The following KCTD16 variants were observed in gnomAD, a reference collection of about 807,000 sequenced individuals.
The protein encoded by KCTD16 is BTB/POZ domain-containing protein KCTD16.
A neutral mutation model predicts 33.2 loss-of-function variants in KCTD16; 13 were observed. The ratio of observed to expected loss-of-function variants is 0.39; its 90% CI spans 0.25 to 0.62. The LOEUF is 0.62. Ranked by LOEUF, KCTD16 falls within the 20% of genes least tolerant of loss-of-function variation. The pLI, the probability that KCTD16 is intolerant of heterozygous loss-of-function variation, is 0.50. For missense variants in KCTD16, 441 were observed against 525.1 expected, an observed-to-expected ratio of 0.84 and a Z score of 1.57; for synonymous variants, 197 against 195.3, an observed-to-expected ratio of 1.01 and a Z score of -0.07.
At chr5:144,335,282 G>T (rs1369415937) in intron 3 of KCTD16, among the ~76,000 whole-genome samples, 4 of 152,038 alleles carry the variant, frequency 2.6e-5, no homozygotes, top group Non-Finnish European at 5.9e-5. Flanking sequence ...TAAAAGTGAG[G>T]GTATAAGAAG....
chr5:144,284,279 A>G (rs10058289), intron 3 of KCTD16, among the ~76,000 whole-genome samples: 80,280 of 152,008 alleles, frequency 0.53, 21,925 homozygotes, highest in East Asian at 0.72. Flanking sequence ...AAGGGCAAAC[A>G]CTCCAGGAAA....
At chr5:144,343,939 C>T (rs907180030) in intron 3 of KCTD16, among the ~76,000 whole-genome samples, 34 of 152,148 alleles carry the variant, frequency 2.2e-4, no homozygotes, top group Non-Finnish European at 3.7e-4. Context: ...GGAGGCATCA[C>T]GCTACCTGAC....
chr5:144,428,415 T>C (rs779453981), intron 3 of KCTD16, among the ~76,000 whole-genome samples: 4 of 152,176 alleles, frequency 2.6e-5, no homozygotes, highest in Non-Finnish European at 5.9e-5. Context: ...TTTCTGCTGA[T>C]AAATCTAGGT....
intron 3 of KCTD16, among the ~76,000 whole-genome samples, chr5:144,248,174 C>A (rs773240240): frequency 1.2e-4 from 18 of 152,034 alleles, no homozygotes; most frequent in Non-Finnish European, 2.4e-4. Flanking sequence ...GAGGCAGAGA[C>A]TTGAGAAAGG....
intron 3 of KCTD16, among the ~76,000 whole-genome samples, chr5:144,408,809 TTCTAGTG>T (rs1752868715): frequency 6.6e-6 from 1 of 152,206 alleles, no homozygotes; most frequent in South Asian, 2.1e-4. Flanking sequence ...CTTTCTTTTA[TTCTAGTG>T]TCCCTTCCAA....
At chr5:144,267,245 G>A (rs566135003) in intron 3 of KCTD16, among the ~76,000 whole-genome samples, 2 of 152,216 alleles carry the variant, frequency 1.3e-5, no homozygotes, top group Admixed American at 6.5e-5. Context: ...ATGCCCCACC[G>A]TATATGAACT....
At chr5:144,384,676 T>C (rs1474630546) in intron 3 of KCTD16, among the ~76,000 whole-genome samples, 1 of 152,196 alleles carries the variant, frequency 6.6e-6, no homozygotes. Context: ...TATTCTATTG[T>C]TCCGTATTCA....
chr5:144,452,165 T>TATATATATATATATATATATA (rs1561613198), intron 3 of KCTD16, among the ~76,000 whole-genome samples: 4 of 148,274 alleles, frequency 2.7e-5, no homozygotes, highest in African/African-American at 1.0e-4. Context: ...TATATATATA[T>TATATATATATATATATATATA]TCCTGTCACT....
chr5:144,454,779 T>A (rs2126987463), intron 3 of KCTD16, among the ~76,000 whole-genome samples: 1 of 152,244 alleles, frequency 6.6e-6, no homozygotes, highest in Admixed American at 6.5e-5. Flanking sequence ...ATTATAGGTA[T>A]GATGACTATT....
intron 2 of KCTD16, among the ~76,000 whole-genome samples, chr5:144,204,863 G>A (rs1028240732): frequency 6.6e-6 from 1 of 151,796 alleles, no homozygotes; most frequent in Non-Finnish European, 1.5e-5. Context: ...GAGTGAATAT[G>A]GTTTAAATCA....
intron 3 of KCTD16, among the ~76,000 whole-genome samples, chr5:144,414,221 G>A (rs60188819): frequency 0.09 from 13,626 of 152,038 alleles, 2,045 homozygotes; most frequent in African/African-American, 0.31. Flanking sequence ...TTGTTATTTC[G>A]TTCATGTTTT....
At chr5:144,293,784 A>T (rs1755959841) in intron 3 of KCTD16, among the ~76,000 whole-genome samples, 1 of 152,242 alleles carries the variant, frequency 6.6e-6, no homozygotes, top group Non-Finnish European at 1.5e-5. Flanking sequence ...GAAGCCAGTT[A>T]CATTTTGCAT....
At chr5:144,240,859 A>T (rs772868041) in intron 3 of KCTD16, among the ~76,000 whole-genome samples, 28 of 152,144 alleles carry the variant, frequency 1.8e-4, no homozygotes, top group Non-Finnish European at 1.0e-4. Context: ...TGCTCTTCTC[A>T]GTGCTTCATA....
chr5:144,343,940 G>A (rs7706927), intron 3 of KCTD16, among the ~76,000 whole-genome samples: 1,925 of 152,110 alleles, frequency 0.013, 41 homozygotes, highest in African/African-American at 0.044. Flanking sequence ...GAGGCATCAC[G>A]CTACCTGACT....
chr5:144,217,507 C>T (rs1306951083), intron 3 of KCTD16, among the ~76,000 whole-genome samples: 1 of 152,004 alleles, frequency 6.6e-6, no homozygotes, highest in Non-Finnish European at 1.5e-5. Context: ...GGGGTAATAA[C>T]GGATAATATA....
At chr5:144,287,789 C>A (rs1755787303) in intron 3 of KCTD16, among the ~76,000 whole-genome samples, 1 of 151,928 alleles carries the variant, frequency 6.6e-6, no homozygotes, top group Non-Finnish European at 1.5e-5. Context: ...GCTCGCACGA[C>A]CTCATCTGGC....
intron 1 of KCTD16, among the ~76,000 whole-genome samples, chr5:144,173,846 A>C (rs1000578150): frequency 6.6e-6 from 1 of 151,742 alleles, no homozygotes; most frequent in African/African-American, 2.4e-5. Context: ...GCCCCTTAGA[A>C]ATTTTGAGAA....
At chr5:144,389,764 A>C (rs1752409594) in intron 3 of KCTD16, among the ~76,000 whole-genome samples, 2 of 152,186 alleles carry the variant, frequency 1.3e-5, no homozygotes, top group African/African-American at 2.4e-5. Flanking sequence ...AATCATAAGA[A>C]GTATGGATAG....
At chr5:144,296,767 A>T (rs1756048732) in intron 3 of KCTD16, among the ~76,000 whole-genome samples, 1 of 152,182 alleles carries the variant, frequency 6.6e-6, no homozygotes, top group Admixed American at 6.5e-5. Flanking sequence ...TTAAAAAAAA[A>T]TAGGCTAAAA....
Sources: gnomAD v4.1 joint callset for allele counts (sites outside exome capture counted in the v4.1 genomes callset) on GRCh38, gnomAD v4.1.1 for gene constraint, MANE v1.5 for transcripts, NCBI Gene and HGNC (gene_info 2026-07-23, HGNC 2026-07-21) for gene names.